ZNF18: variants seen among roughly 807,000 people sequenced by gnomAD.
ZNF18 encodes the protein zinc finger protein 18.
In ZNF18, 42 loss-of-function variants were observed where a neutral mutation model predicts 58.1. The observed-to-expected ratio is 0.72, with a 90% confidence interval of 0.56 to 0.93. The LOEUF is 0.93. ZNF18 is among the 40% of genes least tolerant of loss of function. The probability of loss-of-function intolerance (pLI) is 0.00; values close to 1 mark genes in which losing one functional copy is unlikely to be tolerated. For missense variants in ZNF18, 540 were observed against 644.2 expected (o/e 0.84, Z 1.75); for synonymous variants, 231 against 239.8 (o/e 0.96, Z 0.34).
chr17:11,984,196 TC>T lies in ZNF18; in HGVS notation c.667del (p.Glu223AsnfsTer38). The part of the protein sequence containing the change: ...GASLLPAAPQ[E>X]QWRQLDSTQK... ...AGTGGAATCCAGTTGTCTCCACTGT[TC>T]CTGGAAAAAAAAAAAAAAAAGCAAT... On this transcript the variant is annotated frameshift_variant and splice_region_variant, in exon 5 of 7. Coordinates refer to ENST00000580306, the MANE Select transcript of ZNF18 (RefSeq NM_001303281.2). LOFTEE classifies it high-confidence loss of function. 16 of 1,584,950 alleles carry T rather than the reference TC, an allele frequency of 1.0e-5. No individual in the cohort carries two copies. The highest frequency in any genetic ancestry group is 1.4e-5 in the Non-Finnish European group (16 of 1,168,082).
At chr17:12,018,111 A>G in the ZNF18 span, among the ~76,000 whole-genome samples, 1 of 152,212 alleles carries the variant, frequency 6.6e-6, no homozygotes, top group Non-Finnish European at 1.5e-5. Context: ...ACTACATGGC[A>G]GAGCCAGGAG....
At chr17:11,991,318 G>A (rs1968114122) in intron 2 of ZNF18, among the ~76,000 whole-genome samples, 155 bp from the exon 3 acceptor site, 1 of 152,334 alleles carries the variant, frequency 6.6e-6, no homozygotes, top group East Asian at 1.9e-4. Context: ...GCAGGAACCA[G>A]GGAAAGAAAC....
the ZNF18 span, among the ~76,000 whole-genome samples, chr17:12,004,887 CAAAAA>C: frequency 1.8e-5 from 1 of 56,208 alleles, no homozygotes. Context: ...AACTCCATCT[CAAAAA>C]AAAAAAAAAA....
At position 11,977,717 on chromosome 17, in the gene ZNF18, T is replaced by A. The variant is rs534103583; in HGVS notation, c.*240A>T. ...TTCCCCGATGGGTCCAAAGGAAGGA[T>A]GAGTGGAAACATGAAGACTATTCTT... On this transcript the variant is annotated 3_prime_UTR_variant, in exon 7 of 7. Transcript: ENST00000580306. 2.2e-6 allele frequency: 1 copy of A among 455,314 alleles called. No homozygotes were observed. The highest frequency in any genetic ancestry group is 3.8e-6 in the Non-Finnish European group (1 of 264,034). 28.2% of individuals were successfully genotyped at this position (455,314 alleles called of 1,614,324 possible).
chr17:12,018,345 T>C, the ZNF18 span, among the ~76,000 whole-genome samples: 1 of 152,232 alleles, frequency 6.6e-6, no homozygotes, highest in Admixed American at 6.5e-5. Flanking sequence ...AACATAAATG[T>C]ATTTTCTCAC....
At chr17:11,984,638 C>T (rs899235517) in intron 4 of ZNF18, among the ~76,000 whole-genome samples, 2 of 151,894 alleles carry the variant, frequency 1.3e-5, no homozygotes, top group Non-Finnish European at 1.5e-5. Context: ...CTCAGCTTCC[C>T]GAGGAAGCTT....
chr17:11,992,393 CAGAGAGG>C (rs763304614), intron 2 of ZNF18, 43 bp downstream of exon 2: 1 of 1,574,976 alleles, frequency 6.3e-7, no homozygotes, highest in Admixed American at 1.8e-5. Flanking sequence ...CTGATGGGAC[CAGAGAGG>C]AGCCCTGTGT....
the ZNF18 span, chr17:12,010,939 A>T: frequency 1.6e-6 from 1 of 637,466 alleles, no homozygotes; most frequent in African/African-American, 1.8e-5. Flanking sequence ...CGTGCTTAAC[A>T]TGCCCAATAC....
chr17:12,012,596 T>C, the ZNF18 span, among the ~76,000 whole-genome samples: 2 of 152,226 alleles, frequency 1.3e-5, no homozygotes, highest in African/African-American at 2.4e-5. Context: ...AGAATGCCAG[T>C]TGCCCACACT....
chr17:11,978,535 G>A lies in ZNF18; in HGVS notation c.1072C>T (p.Gln358Ter), dbSNP rs369183624. Residue 358 changes from glutamine (Q) to a stop codon, truncating the protein, a stop_gained, in exon 7 of 7, where the codon CAG (glutamine) becomes TAG (stop). Transcript: ENST00000580306. LOFTEE classifies it high-confidence loss of function. ...GAAATCCTTTCTTGAGGAGACAGCT[G>A]TTCCCCTGTTCCCTCATCCTGAATG... ...QNIQDEGTGEQLSPQERISEK... is the reference protein window; with the variant it reads ...QNIQDEGTGE 15 of 1,612,070 alleles carry A rather than the reference G, an allele frequency of 9.3e-6. No homozygotes were observed. Among genetic ancestry groups the A allele is most frequent in the African/African-American group, 2.7e-5 (2 of 74,746 alleles).
rs1967572490 is a variant in ZNF18, at chr17:11,984,206, A to G, written c.667-9T>C. 2.5e-6 allele frequency: 4 copies of G among 1,580,656 alleles called. No individual in the cohort carries two copies. In the East Asian group the frequency reaches 6.8e-5, roughly 27 times the overall value. ...AGTTGTCTCCACTGTTCCTGGAAAA[A>G]AAAAAAAAAAAGCAATACAATACCA... is the stretch of plus-strand genomic sequence containing the variant. On this transcript the variant is annotated splice_polypyrimidine_tract_variant and intron_variant, in intron 4 of 6. Transcript: ENST00000580306.
chr17:12,015,248 T>C, the ZNF18 span, among the ~76,000 whole-genome samples: 1 of 152,200 alleles, frequency 6.6e-6, no homozygotes, highest in African/African-American at 2.4e-5. Flanking sequence ...TTCCACAATC[T>C]TGAGTTAGCC....
chr17:12,017,338 C>T, the ZNF18 span, among the ~76,000 whole-genome samples: 73 of 152,326 alleles, frequency 4.8e-4, no homozygotes, highest in African/African-American at 1.7e-3. Context: ...GAAACCTGCA[C>T]AGCTTGCAGC....
chr17:11,995,285 T>C (rs1049947334), intron 1 of ZNF18, among the ~76,000 whole-genome samples: 8 of 146,716 alleles, frequency 5.5e-5, no homozygotes, highest in African/African-American at 2.0e-4. Context: ...GGTGAATGCC[T>C]GTAATCCCAG....
intron 1 of ZNF18, chr17:11,996,937 T>C (rs1382984367): frequency 1.3e-5 from 2 of 152,158 alleles, no homozygotes; most frequent in Non-Finnish European, 2.9e-5. Flanking sequence ...TTTCTGGTTG[T>C]CACAAGCAGC....
At position 11,990,565 on chromosome 17, in the gene ZNF18, G is replaced by C; in HGVS notation, c.578-15C>G. 5 of 1,601,672 alleles carry C rather than the reference G, an allele frequency of 3.1e-6. No homozygotes were observed. Among genetic ancestry groups the C allele is most frequent in the Non-Finnish European group, 4.3e-6 (5 of 1,175,036 alleles). On this transcript the variant is annotated splice_polypyrimidine_tract_variant and intron_variant, in intron 3 of 6. Coordinates refer to ENST00000580306, the MANE Select transcript of ZNF18 (RefSeq NM_001303281.2). The stretch of plus-strand genomic sequence containing the variant: ...GGCAGCCAGGGCTGAAGTGAGGAGA[G>C]GAAGTTTTCAGAATCTGGATGTCTT...
intron 5 of ZNF18, 81 bp downstream of exon 5, chr17:11,984,032 T>A (rs1380797122): frequency 1.6e-6 from 2 of 1,286,806 alleles, no homozygotes; most frequent in East Asian, 4.8e-5. Context: ...GTTCAGCAGA[T>A]GTCTCTATAA....
intron 2 of ZNF18, among the ~76,000 whole-genome samples, chr17:11,992,053 T>C (rs753539823): frequency 1.3e-5 from 2 of 152,106 alleles, no homozygotes; most frequent in Non-Finnish European, 2.9e-5. Flanking sequence ...TGTTAATGAG[T>C]TGTATCCTTT....
At chr17:11,999,866 A>G (rs1333501742), upstream of ZNF18, among the ~76,000 whole-genome samples, 1 of 152,214 alleles carries the variant, frequency 6.6e-6, no homozygotes, top group Non-Finnish European at 1.5e-5. Flanking sequence ...CCGGAAGTTA[A>G]TTAAGACGCA....
Sources: gnomAD v4.1 joint callset for allele counts (sites outside exome capture counted in the v4.1 genomes callset) on GRCh38, gnomAD v4.1.1 for gene constraint, MANE v1.5 for transcripts, NCBI Gene and HGNC (gene_info 2026-07-23, HGNC 2026-07-21) for gene names.